GMCL1: variants seen among roughly 807,000 people sequenced by gnomAD.
GMCL1 encodes the protein germ cell-less protein-like 1.
Under a neutral mutation model 75.5 loss-of-function variants are expected in GMCL1, and 54 were observed. The ratio of observed to expected loss-of-function variants is 0.71; its 90% CI spans 0.57 to 0.90. The LOEUF is 0.90. Among genes scored for constraint, GMCL1 ranks in the 40% least tolerant of loss-of-function variants. The pLI is 0.00. For synonymous variants in GMCL1, 210 were observed against 209.6 expected (o/e 1.00, Z -0.02); for missense variants, 537 against 622.7 (o/e 0.86, Z 1.47).
chr2:69,841,940 G>A (rs542816338), intron 4 of GMCL1, among the ~76,000 whole-genome samples: 3 of 152,156 alleles, frequency 2.0e-5, no homozygotes, highest in Non-Finnish European at 2.9e-5. Context: ...TGCAGAAGAG[G>A]GGGGCAGAAG....
chr2:69,838,336 CAAAAAAAAAAAAAAAAAAAA>C (rs71397366), intron 2 of GMCL1, among the ~76,000 whole-genome samples: 1 of 31,536 alleles, frequency 3.2e-5, no homozygotes, highest in African/African-American at 1.1e-4. Flanking sequence ...GACTCTGTCT[CAAAAAAAAAAAAAAAAAAAA>C]AAAAAAAATC....
intron 4 of GMCL1, among the ~76,000 whole-genome samples, chr2:69,842,357 T>C (rs1313645104): frequency 6.6e-6 from 1 of 152,238 alleles, no homozygotes; most frequent in African/African-American, 2.4e-5. Context: ...TACTGATTTA[T>C]TTGAAGTATT....
chr2:69,875,787 C>T (rs572210228), intron 13 of GMCL1, among the ~76,000 whole-genome samples: 1 of 152,070 alleles, frequency 6.6e-6, no homozygotes, highest in Non-Finnish European at 1.5e-5. Context: ...CTCCACCTCC[C>T]GGGTTCAAGC....
intron 8 of GMCL1, among the ~76,000 whole-genome samples, chr2:69,851,667 G>T (rs879652214): frequency 2.6e-5 from 4 of 152,088 alleles, no homozygotes; most frequent in African/African-American, 7.2e-5. Flanking sequence ...CCAGCTACTG[G>T]GGGGAGGATC....
intron 13 of GMCL1, among the ~76,000 whole-genome samples, chr2:69,877,698 T>C (rs1676161738): frequency 1.2e-5 from 1 of 84,354 alleles, no homozygotes; most frequent in Admixed American, 1.3e-4. Flanking sequence ...GAGAGAGAGA[T>C]TGTGTGTTTG....
rs1291044278 is a variant in GMCL1 at position 69,869,821 on chromosome 2, A to T, written c.1321A>T (p.Ser441Cys). Residue 441 changes from serine (S) to cysteine (C), a missense_variant, in exon 12 of 14, where the codon AGC (serine) becomes TGC (cysteine). Physicochemically the swap from Ser to Cys is moderately radical, Grantham distance 112. Around this residue, in one of 3 missense-constraint regions of GMCL1, gnomAD observed 345 missense variants for 410.5 expected, o/e 0.84. Transcript: ENST00000282570. ...ACGCAATACACTGAATCAGCCATGT[A>T]GCGGATCTGTCAGTTTACAGCCTCG... The part of the protein sequence containing the change: ...FKRNTLNQPC[S>C]GSVSLQPRRS... The T allele has an allele frequency of 8.7e-6, 14 of 1,613,914 alleles. No individual in the cohort carries two copies. The African/African-American group carries it at 1.6e-4, about 18-fold the overall frequency.
intron 1 of GMCL1, among the ~76,000 whole-genome samples, chr2:69,835,843 A>C (rs1674804933): frequency 6.6e-6 from 1 of 152,158 alleles, no homozygotes; most frequent in African/African-American, 2.4e-5. Flanking sequence ...TGAACTGGTG[A>C]ATTTCACACA....
Position 69,878,949 on chromosome 2 carries a change from T to G in GMCL1, c.1493T>G (p.Phe498Cys). 6.2e-7 allele frequency: 1 copy of G among 1,610,746 alleles called. No homozygotes were observed. The highest frequency in any genetic ancestry group is 8.5e-7 in the Non-Finnish European group (1 of 1,177,024). ...AACTTGGACAGCAGGCTTCTGATCT[T>G]CCCTTTATATATCTGCTGTAACTTC... ...VMNLDSRLLIFPLYICCNFLY... is the reference protein window; with the variant it reads ...VMNLDSRLLICPLYICCNFLY... The change falls in exon 14 of 14, where the codon TTC (phenylalanine) becomes TGC (cysteine). Residue 498 changes from phenylalanine (F) to cysteine (C), a missense_variant. Phe to Cys is a radical substitution (Grantham distance 205, BLOSUM62 -2). Around this residue, in one of 3 missense-constraint regions of GMCL1, gnomAD observed 345 missense variants for 410.5 expected, o/e 0.84. Transcript: ENST00000282570.
At chr2:69,854,078 C>A (rs1165522025) in intron 8 of GMCL1, among the ~76,000 whole-genome samples, 2 of 151,814 alleles carry the variant, frequency 1.3e-5, no homozygotes, top group Non-Finnish European at 2.9e-5. Flanking sequence ...GTTGGGATTA[C>A]AGGCGTGAGC....
At chr2:69,854,307 G>A (rs1172906987) in intron 8 of GMCL1, among the ~76,000 whole-genome samples, 1 of 152,056 alleles carries the variant, frequency 6.6e-6, no homozygotes, top group African/African-American at 2.4e-5. Context: ...GAGCCACCAC[G>A]CCTAGCCATA....
chr2:69,845,424 C>T (rs1285170714), intron 6 of GMCL1, among the ~76,000 whole-genome samples: 1 of 152,200 alleles, frequency 6.6e-6, no homozygotes, highest in East Asian at 1.9e-4. Flanking sequence ...ACCCTGCCCA[C>T]CACCCAAGCT....
At chr2:69,843,349 A>G in intron 5 of GMCL1, 88 bp downstream of exon 5, 1 of 652,362 alleles carries the variant, frequency 1.5e-6, no homozygotes, top group East Asian at 2.8e-5. Flanking sequence ...GCTATAAGAA[A>G]GAAAGAATTA....
Position 69,831,691 on chromosome 2 carries a change from C to T in GMCL1, c.260+1539C>T, listed in dbSNP as rs753837120. On this transcript the variant is annotated intron_variant, in intron 1 of 13. Transcript: ENST00000282570. ...GGTGGGATCATGACTCACTCTACCTCGACCTCACAGAATCAGGCAATTCTC... is the reference window on the plus strand; with the variant it reads ...GGTGGGATCATGACTCACTCTACCTTGACCTCACAGAATCAGGCAATTCTC... Among the ~76,000 whole-genome samples, 7 of 152,238 alleles carry T rather than the reference C, an allele frequency of 4.6e-5. No individual in the cohort carries two copies. The South Asian group carries it at 6.2e-4, about 14-fold the overall frequency.
At chr2:69,855,534 G>A (rs1274033452) in intron 9 of GMCL1, among the ~76,000 whole-genome samples, 1 of 151,978 alleles carries the variant, frequency 6.6e-6, no homozygotes, top group Non-Finnish European at 1.5e-5. Context: ...TGTAATGTTT[G>A]TAGTAATAAT....
At chr2:69,873,079 T>C (rs1676027838) in intron 13 of GMCL1, among the ~76,000 whole-genome samples, 2 of 152,132 alleles carry the variant, frequency 1.3e-5, no homozygotes, top group African/African-American at 4.8e-5. Context: ...GACCTGTAAC[T>C]GAGCAGCTGC....
intron 12 of GMCL1, among the ~76,000 whole-genome samples, chr2:69,870,316 A>C (rs1482969156): frequency 6.6e-6 from 1 of 152,076 alleles, no homozygotes; most frequent in Admixed American, 6.6e-5. Context: ...ATGATTTAAA[A>C]GTCATATATT....
At chr2:69,872,741 G>A (rs931519152) in intron 13 of GMCL1, among the ~76,000 whole-genome samples, 1 of 152,212 alleles carries the variant, frequency 6.6e-6, no homozygotes, top group Non-Finnish European at 1.5e-5. Context: ...TATATAATGA[G>A]AAAGTCCAAA....
intron 3 of GMCL1, 78 bp from the exon 4 acceptor site, chr2:69,840,864 C>A: frequency 1.1e-6 from 1 of 887,526 alleles, no homozygotes; most frequent in Non-Finnish European, 1.8e-6. Flanking sequence ...TGTGTGAAGA[C>A]AGTCGTTGTT....
intron 10 of GMCL1, among the ~76,000 whole-genome samples, chr2:69,863,746 G>A (rs1675725376): frequency 6.6e-6 from 1 of 152,186 alleles, no homozygotes; most frequent in African/African-American, 2.4e-5. Flanking sequence ...GATCTGTGGG[G>A]ACTGTCAGCA....
Sources: gnomAD v4.1 joint callset for allele counts (sites outside exome capture counted in the v4.1 genomes callset) on GRCh38, gnomAD v4.1.1 for gene constraint, gnomAD v4.1.1 regional missense constraint, MANE v1.5 for transcripts, NCBI Gene and HGNC (gene_info 2026-07-23, HGNC 2026-07-21) for gene names.